SGO1: variants seen among roughly 807,000 people sequenced by gnomAD.
The protein encoded by SGO1 is shugoshin 1.
SGO1 carries 39 observed loss-of-function variants against 50.5 expected under a neutral mutation model. The ratio of observed to expected loss-of-function variants is 0.77; its 90% CI spans 0.60 to 1.01. SGO1 has a LOEUF of 1.01. Ranked by LOEUF, SGO1 falls within the 50% of genes least tolerant of loss-of-function variation. The pLI is 0.00. For missense variants in SGO1, 638 were observed against 606.0 expected (o/e 1.05, Z -0.55); for synonymous variants, 191 against 205.1 (o/e 0.93, Z 0.59).
intron 3 of SGO1, among the ~76,000 whole-genome samples, chr3:20,179,471 C>T (rs1028227361): frequency 4.6e-5 from 7 of 152,072 alleles, no homozygotes; most frequent in Admixed American, 4.6e-4. Flanking sequence ...GTCACCCAAG[C>T]TGAAGTGTAG....
chr3:20,178,488 AAGC>A, intron 3 of SGO1, 141 bp from the exon 4 acceptor site: 1 of 614,104 alleles, frequency 1.6e-6, no homozygotes, highest in Non-Finnish European at 2.9e-6. Context: ...AACAGCTCAA[AAGC>A]AGAGTAAGTC....
intron 3 of SGO1, among the ~76,000 whole-genome samples, chr3:20,180,919 G>T (rs972726525): frequency 6.6e-6 from 1 of 152,190 alleles, no homozygotes; most frequent in African/African-American, 2.4e-5. Flanking sequence ...TTGATACCAG[G>T]AGCTCAAGAC....
chr3:20,174,315 T>A lies in SGO1; in HGVS notation c.1216A>T (p.Lys406Ter). The A allele has an allele frequency of 6.2e-7, 1 of 1,614,182 alleles. No homozygotes were observed. Residue 406 changes from lysine to a stop codon, truncating the protein, a stop_gained, in exon 6 of 8, where the codon AAA (lysine) becomes TAA (stop). Transcript: ENST00000412997. LOFTEE classifies it high-confidence loss of function. ...TCATCTGTGTATTTCAGTGCTCTTT[T>A]AGCTAGAGGCCTGGTGACTGGTCTA... ...SDRPVTRPLA[K>*]RALKYTDEKE...
At position 20,170,825 on chromosome 3, in the gene SGO1, TAA is replaced by T; in HGVS notation, c.1473-12_1473-11del. On this transcript the variant is annotated splice_polypyrimidine_tract_variant and intron_variant, in intron 7 of 7. Transcript: ENST00000412997. ...CCCTCTTCTCAGTTTCCTGTAAGAG[TAA>T]AAAGAGATCTCAGGCATAATGTAAG... The T allele has an allele frequency of 6.3e-7, 1 of 1,584,040 alleles. No individual in the cohort carries two copies. Among genetic ancestry groups the T allele is most frequent in the Non-Finnish European group, 8.5e-7 (1 of 1,172,298 alleles).
chr3:20,169,163 A>G (rs1195556428), downstream of SGO1: 1 of 985,316 alleles, frequency 1.0e-6, no homozygotes, highest in African/African-American at 1.7e-5. Flanking sequence ...ACAGAAAGAT[A>G]GGGAGATAAC....
chr3:20,178,154 G>A, intron 4 of SGO1, 117 bp downstream of exon 4: 1 of 726,544 alleles, frequency 1.4e-6, no homozygotes. Flanking sequence ...TCTCAGTAGA[G>A]AAAGCAACAG....
At chr3:20,161,298 G>A in intron 8 of SGO1, 16 of 1,384,508 alleles carry the variant, frequency 1.2e-5, no homozygotes, top group Middle Eastern at 2.5e-4. Flanking sequence ...TTATTCAGAA[G>A]GAAAAATAAG....
At chr3:20,162,492 A>G (rs1700088752) in intron 8 of SGO1, among the ~76,000 whole-genome samples, 1 of 152,190 alleles carries the variant, frequency 6.6e-6, no homozygotes, top group African/African-American at 2.4e-5. Flanking sequence ...GCCTGACAAA[A>G]CGAAGTTAAC....
chr3:20,184,354 T>C (rs1702378689), intron 1 of SGO1, among the ~76,000 whole-genome samples: 1 of 152,192 alleles, frequency 6.6e-6, no homozygotes, highest in Non-Finnish European at 1.5e-5. Context: ...CTATTGAAAA[T>C]GCTTATTATT....
chr3:20,183,845 A>G (rs540049127), intron 2 of SGO1, 41 bp from the exon 3 acceptor site: 2 of 1,605,460 alleles, frequency 1.2e-6, no homozygotes, highest in Admixed American at 1.7e-5. Context: ...TTAAATCTAA[A>G]CTTAAAAGTG....
At chr3:20,183,144 G>A (rs1191832518) in intron 3 of SGO1, among the ~76,000 whole-genome samples, 2 of 152,166 alleles carry the variant, frequency 1.3e-5, no homozygotes, top group East Asian at 3.8e-4. Context: ...TACTCCCTAT[G>A]TCCTAAATAA....
At chr3:20,169,174 A>G (rs1259108278), downstream of SGO1, 1 of 985,316 alleles carries the variant, frequency 1.0e-6, no homozygotes, top group Non-Finnish European at 1.2e-6. Flanking sequence ...GGGAGATAAC[A>G]GCCAAGAAAA....
At chr3:20,162,865 A>G (rs931415693) in intron 8 of SGO1, among the ~76,000 whole-genome samples, 4 of 151,956 alleles carry the variant, frequency 2.6e-5, no homozygotes, top group African/African-American at 9.7e-5. Context: ...ACGATTTAAC[A>G]AAGCAGAAGA....
In SGO1 at chr3:20,171,114, TG is replaced by T. The variant is rs761443113; in HGVS notation, c.1400del (p.Ala467GlufsTer16). ...GTTTAGGCAGAGCCACTGCTGGGCT[TG>T]CTTTATTCTTTTTTGGAGAAAGAGA... ...RLSLSPKKNK[A>X]SPAVALPKRR... On this transcript the variant is annotated frameshift_variant, in exon 7 of 8. Coordinates refer to ENST00000412997, the MANE Select transcript of SGO1 (RefSeq NM_001199251.3). LOFTEE classifies it high-confidence loss of function. 1 of 1,613,594 alleles carries T rather than the reference TG, an allele frequency of 6.2e-7. No individual in the cohort carries two copies. The highest frequency in any genetic ancestry group is 1.1e-5 in the South Asian group (1 of 90,992).
chr3:20,174,618 G>T lies in SGO1; in HGVS notation c.913C>A (p.Arg305Ser), dbSNP rs1488703946. 1.3e-6 allele frequency: 2 copies of T among 1,599,556 alleles called. No individual in the cohort carries two copies. The highest frequency in any genetic ancestry group is 2.2e-5 in the East Asian group (1 of 44,828). ...TTATTCTCTTTATATTTTGACATAC[G>T]TTTTGATTTTCTCCTGTTAGCTTTT... The part of the protein sequence containing the change: ...KRKANRRKSK[R>S]MSKYKENKSE... Residue 305 changes from arginine to serine, a missense_variant, in exon 6 of 8, where the codon CGT (arginine) becomes AGT (serine). By Grantham distance (110) the Arg-to-Ser change is moderately radical. Coordinates refer to ENST00000412997, the MANE Select transcript of SGO1 (RefSeq NM_001199251.3).
At chr3:20,162,976 G>T (rs1251254445) in intron 8 of SGO1, among the ~76,000 whole-genome samples, 2 of 151,968 alleles carry the variant, frequency 1.3e-5, no homozygotes, top group African/African-American at 4.8e-5. Flanking sequence ...AATCTGTAGG[G>T]TGCAGCTAAT....
At chr3:20,170,974 A>C in intron 7 of SGO1, 69 bp downstream of exon 7, 1 of 1,494,018 alleles carries the variant, frequency 6.7e-7, no homozygotes, top group South Asian at 1.3e-5. Context: ...ATTCTTGAAC[A>C]AAGCTCCATA....
At chr3:20,172,792 TAAAAAAAAAAAAAA>T (rs60411282) in intron 6 of SGO1, among the ~76,000 whole-genome samples, 7 of 98,912 alleles carry the variant, frequency 7.1e-5, no homozygotes, top group Non-Finnish European at 1.0e-4. Flanking sequence ...TCACAAAAAG[TAAAAAAAAAAAAAA>T]AAAAAAAAAA....
intron 1 of SGO1, among the ~76,000 whole-genome samples, chr3:20,185,352 C>A (rs1204903465): frequency 1.3e-5 from 2 of 152,112 alleles, no homozygotes; most frequent in African/African-American, 4.8e-5. Context: ...AGTTAAAAAT[C>A]ACAAAAGAAA....
Sources: allele counts gnomAD v4.1 joint callset (sites outside exome capture counted in the v4.1 genomes callset), GRCh38; gene constraint gnomAD v4.1.1; transcripts MANE v1.5; gene names NCBI Gene and HGNC (gene_info 2026-07-23, HGNC 2026-07-21).